The following KCNQ3 variants were observed in gnomAD, a reference collection of about 807,000 sequenced individuals.
KCNQ3 encodes potassium voltage-gated channel subfamily KQT member 3.
Under a neutral mutation model 92.5 loss-of-function variants are expected in KCNQ3, and 30 were observed. The ratio of observed to expected loss-of-function variants is 0.32; its 90% CI spans 0.24 to 0.44. The LOEUF (loss-of-function observed/expected upper bound fraction) is 0.44. Ranked by LOEUF, KCNQ3 falls within the 20% of genes least tolerant of loss-of-function variation. The pLI, the probability that KCNQ3 is intolerant of heterozygous loss-of-function variation, is 1.00. For missense variants in KCNQ3, 913 were observed against 1,140.3 expected, an observed-to-expected ratio of 0.80 and a Z score of 2.87; for synonymous variants, 450 against 468.8, an observed-to-expected ratio of 0.96 and a Z score of 0.52.
chr8:132,443,734 G>C (rs1266072657), intron 1 of KCNQ3, among the ~76,000 whole-genome samples: 2 of 152,122 alleles, frequency 1.3e-5, no homozygotes, highest in Admixed American at 1.3e-4. Context: ...GCAGCCAGTA[G>C]TGAAATATAA....
chr8:132,184,535 G>A (rs1826900344), intron 2 of KCNQ3, among the ~76,000 whole-genome samples, 168 bp from the exon 3 acceptor site: 1 of 152,146 alleles, frequency 6.6e-6, no homozygotes. Context: ...CGGGAGAACA[G>A]GTCCATCACC....
At chr8:132,441,604 A>AAC (rs1554657840) in intron 1 of KCNQ3, among the ~76,000 whole-genome samples, 5 of 146,662 alleles carry the variant, frequency 3.4e-5, no homozygotes, top group South Asian at 4.3e-4. Flanking sequence ...CAAACAAACA[A>AAC]ATATATATAT....
chr8:132,472,721 A>G (rs2130867816), intron 1 of KCNQ3, among the ~76,000 whole-genome samples: 1 of 152,322 alleles, frequency 6.6e-6, no homozygotes, highest in East Asian at 1.9e-4. Context: ...ATAGTTAACA[A>G]CAATGTATTG....
At chr8:132,321,581 G>A (rs1324320269) in intron 1 of KCNQ3, 2 of 152,228 alleles carry the variant, frequency 1.3e-5, no homozygotes, top group African/African-American at 4.8e-5. Flanking sequence ...AAGCATACTG[G>A]GTCATTTCCT....
rs528108833 is a variant in KCNQ3, at chr8:132,124,356, A to G, written c.*4906T>C. 2.0e-5 allele frequency: 3 copies of G among 152,384 alleles called. No homozygotes were observed. The highest frequency in any genetic ancestry group is 4.4e-5 in the Non-Finnish European group (3 of 68,042). The allele number at this position is 152,384 out of a possible 1,614,324, so 9.4% of individuals were successfully genotyped here. On this transcript the variant is annotated 3_prime_UTR_variant, in exon 15 of 15. Coordinates refer to ENST00000388996, the MANE Select transcript of KCNQ3 (RefSeq NM_004519.4). ...TGAAGTCCATGCATACTGTAAAAAA[A>G]TAACATAAATAACAGTCCCTAGTAT... is the stretch of plus-strand genomic sequence containing the variant.
At chr8:132,461,509 G>A (rs772444354) in intron 1 of KCNQ3, among the ~76,000 whole-genome samples, 5 of 152,178 alleles carry the variant, frequency 3.3e-5, no homozygotes, top group Non-Finnish European at 5.9e-5. Flanking sequence ...AGGTTGCAGT[G>A]AGCCAAGATT....
At chr8:132,133,349 C>T (rs1328991130) in intron 13 of KCNQ3, among the ~76,000 whole-genome samples, 7 of 102,726 alleles carry the variant, frequency 6.8e-5, no homozygotes, top group Non-Finnish European at 1.5e-4. Flanking sequence ...TTAATGCTCT[C>T]GATTCTTTTT....
At chr8:132,394,685 A>T (rs973896459) in intron 1 of KCNQ3, among the ~76,000 whole-genome samples, 11 of 152,010 alleles carry the variant, frequency 7.2e-5, no homozygotes, top group African/African-American at 2.4e-4. Flanking sequence ...TGGGGTGGGG[A>T]GTGATGGGAG....
intron 1 of KCNQ3, among the ~76,000 whole-genome samples, chr8:132,223,375 G>A (rs754209687): frequency 1.3e-5 from 2 of 152,230 alleles, no homozygotes; most frequent in African/African-American, 2.4e-5. Flanking sequence ...CCACGTGAGA[G>A]GAGGCACAGG....
intron 1 of KCNQ3, among the ~76,000 whole-genome samples, chr8:132,426,774 G>C (rs1176336327): frequency 6.6e-6 from 1 of 152,152 alleles, no homozygotes. Context: ...TCTCACTACA[G>C]GTACTCCCTG....
At chr8:132,445,570 G>A (rs1262722177) in intron 1 of KCNQ3, among the ~76,000 whole-genome samples, 1 of 152,080 alleles carries the variant, frequency 6.6e-6, no homozygotes, top group African/African-American at 2.4e-5. Context: ...ACTCTAATAA[G>A]CAGTAAAGCC....
At chr8:132,268,630 A>G (rs1284059993) in intron 1 of KCNQ3, among the ~76,000 whole-genome samples, 1 of 152,232 alleles carries the variant, frequency 6.6e-6, no homozygotes, top group Non-Finnish European at 1.5e-5. Flanking sequence ...CCACTCATCT[A>G]CTGAAGAACA....
At chr8:132,136,118 C>CAAAAAAAAAAAAAAAAAAAAAAAAAA (rs67331428) in intron 12 of KCNQ3, among the ~76,000 whole-genome samples, 1 of 40,018 alleles carries the variant, frequency 2.5e-5, no homozygotes, top group Non-Finnish European at 3.9e-5. Context: ...GACTCCATCT[C>CAAAAAAAAAAAAAAAAAAAAAAAAAA]AAAAAAAAAA....
intron 9 of KCNQ3, among the ~76,000 whole-genome samples, chr8:132,156,871 G>T (rs949295510): frequency 1.3e-5 from 2 of 152,206 alleles, no homozygotes; most frequent in Non-Finnish European, 2.9e-5. Flanking sequence ...TAAGAGAAAT[G>T]AGAGGGAGTT....
chr8:132,324,168 C>G (rs944099741), intron 1 of KCNQ3, among the ~76,000 whole-genome samples: 10 of 152,188 alleles, frequency 6.6e-5, no homozygotes, highest in African/African-American at 2.4e-4. Context: ...CAAATGTCAA[C>G]TCAATCCCAG....
At chr8:132,255,841 T>C (rs1815566348) in intron 1 of KCNQ3, among the ~76,000 whole-genome samples, 1 of 152,162 alleles carries the variant, frequency 6.6e-6, no homozygotes, top group Non-Finnish European at 1.5e-5. Context: ...GAAAATTCAT[T>C]TAAAAATTAC....
intron 1 of KCNQ3, among the ~76,000 whole-genome samples, chr8:132,387,239 CAA>C (rs1819912486): frequency 6.6e-6 from 1 of 152,092 alleles, no homozygotes; most frequent in African/African-American, 2.4e-5. Context: ...GCCAAGAACA[CAA>C]AAGATAGCCC....
intron 1 of KCNQ3, among the ~76,000 whole-genome samples, chr8:132,257,977 T>A (rs984454842): frequency 6.6e-6 from 1 of 152,044 alleles, no homozygotes; most frequent in Non-Finnish European, 1.5e-5. Flanking sequence ...ATTATAAACA[T>A]GTATGCAAGT....
intron 1 of KCNQ3, among the ~76,000 whole-genome samples, chr8:132,349,243 C>T (rs749642532): frequency 5.9e-5 from 9 of 152,208 alleles, no homozygotes; most frequent in Non-Finnish European, 1.2e-4. Context: ...GCATGTGTGG[C>T]TAAGTACCCT....
Sources: gnomAD v4.1 joint callset for allele counts (sites outside exome capture counted in the v4.1 genomes callset) on GRCh38, gnomAD v4.1.1 for gene constraint, MANE v1.5 for transcripts, NCBI Gene and HGNC (gene_info 2026-07-23, HGNC 2026-07-21) for gene names.